The following KALRN variants were observed in gnomAD, a reference collection of about 807,000 sequenced individuals.
The protein encoded by KALRN is kalirin.
Under a neutral mutation model 353.7 loss-of-function variants are expected in KALRN, and 70 were observed. That is an observed-to-expected ratio of 0.20 (90% CI 0.16 to 0.24). KALRN has a LOEUF of 0.24. KALRN is among the 10% of genes least tolerant of loss of function. The pLI, the probability that KALRN is intolerant of heterozygous loss-of-function variation, is 1.00. For synonymous variants in KALRN, 1,391 were observed against 1,434.8 expected, an observed-to-expected ratio of 0.97 and a Z score of 0.69; for missense variants, 2,791 against 3,756.7, an observed-to-expected ratio of 0.74 and a Z score of 6.72.
chr3:124,438,977 G>T lies in KALRN; in HGVS notation c.3138G>T (p.Glu1046Asp), dbSNP rs1482962032. ...GAGATAAGCTGGGGCCAGCAGCAGAGATCGACCATGTCATTCCCCTCATCA... is the reference window on the plus strand; with the variant it reads ...GAGATAAGCTGGGGCCAGCAGCAGATATCGACCATGTCATTCCCCTCATCA... ...GGRDKLGPAA[E>D]IDHVIPLISK... Residue 1046 changes from glutamate (E) to aspartate (D), a missense_variant, in exon 18 of 60, where the codon GAG becomes GAT. By Grantham distance (45) the Glu-to-Asp change is conservative. Coordinates refer to ENST00000682506, the MANE Select transcript of KALRN (RefSeq NM_001388419.1). 2.5e-6 allele frequency: 4 copies of T among 1,614,140 alleles called. No homozygotes were observed. The highest frequency in any genetic ancestry group is 3.4e-6 in the Non-Finnish European group (4 of 1,180,024).
intron 38 of KALRN, among the ~76,000 whole-genome samples, chr3:124,651,245 G>A (rs1324711194): frequency 6.6e-6 from 1 of 152,210 alleles, no homozygotes; most frequent in Admixed American, 6.5e-5. Context: ...GAAACTATGA[G>A]ACTGTTACTG....
At chr3:124,106,697 G>T (rs1231429338) in intron 1 of KALRN, among the ~76,000 whole-genome samples, 1 of 152,154 alleles carries the variant, frequency 6.6e-6, no homozygotes, top group Non-Finnish European at 1.5e-5. Context: ...GGAAACTGAG[G>T]CTCAAAGAAA....
chr3:124,160,729 G>A (rs2069796507), intron 1 of KALRN, among the ~76,000 whole-genome samples: 1 of 152,074 alleles, frequency 6.6e-6, no homozygotes, highest in African/African-American at 2.4e-5. Flanking sequence ...AGGTGGTGAG[G>A]GATAATGGGA....
At chr3:124,570,219 A>T (rs2073357597) in intron 34 of KALRN, among the ~76,000 whole-genome samples, 1 of 152,250 alleles carries the variant, frequency 6.6e-6, no homozygotes, top group African/African-American at 2.4e-5. Context: ...AGGCTAAAAA[A>T]ATAATTAGAG....
intron 15 of KALRN, among the ~76,000 whole-genome samples, chr3:124,430,207 G>A (rs778023835): frequency 3.3e-5 from 5 of 152,178 alleles, no homozygotes; most frequent in Admixed American, 1.3e-4. Context: ...TGCACTAGAT[G>A]AAGAAGAGAT....
chr3:124,434,629 C>G, intron 17 of KALRN, 104 bp downstream of exon 17: 1 of 927,282 alleles, frequency 1.1e-6, no homozygotes. Context: ...GAAGCCTGTC[C>G]TTTCAGTACT....
intron 1 of KALRN, among the ~76,000 whole-genome samples, chr3:124,185,432 G>A (rs895632964): frequency 1.3e-5 from 2 of 152,084 alleles, no homozygotes; most frequent in African/African-American, 4.8e-5. Context: ...GTTAGAAAAG[G>A]GACCACCTTG....
At chr3:124,141,824 A>G (rs1335243147) in intron 1 of KALRN, among the ~76,000 whole-genome samples, 1 of 152,128 alleles carries the variant, frequency 6.6e-6, no homozygotes, top group Non-Finnish European at 1.5e-5. Flanking sequence ...TGCCTCAACC[A>G]GTGTTCCTTG....
At chr3:124,045,546 G>A (rs1420327760) in intron 1 of KALRN, among the ~76,000 whole-genome samples, 1 of 152,198 alleles carries the variant, frequency 6.6e-6, no homozygotes, top group Non-Finnish European at 1.5e-5. Context: ...TGACAGCTAA[G>A]TATCATTCCT....
rs982671874 is a variant in KALRN at position 124,634,100 on chromosome 3, T to TGGTA, written c.5568+151_5568+154dup. Reference sequence around the variant, plus strand: ...TGTTGATACCAATTGTGTCTCTATTTGGTAGGTGTCCCTTCCCCAACCCTG... The same window carrying TGGTA: ...TGTTGATACCAATTGTGTCTCTATTTGGTAGGTAGGTGTCCCTTCCCCAACCCTG... On this transcript the variant is annotated intron_variant, in intron 36 of 59. Coordinates refer to ENST00000682506, the MANE Select transcript of KALRN (RefSeq NM_001388419.1). The TGGTA allele has an allele frequency of 1.5e-5, 10 of 652,716 alleles. No individual in the cohort carries two copies. The African/African-American group carries it at 1.8e-4, about 12-fold the overall frequency. The allele number at this position is 652,716 out of a possible 1,614,324, so 40.4% of individuals were successfully genotyped here.
At chr3:124,473,456 G>A (rs1252363428) in intron 25 of KALRN, among the ~76,000 whole-genome samples, 1 of 152,170 alleles carries the variant, frequency 6.6e-6, no homozygotes. Context: ...CTGTGGTAAT[G>A]TCTTTTCTTA....
intron 18 of KALRN, among the ~76,000 whole-genome samples, chr3:124,440,227 C>T (rs1379777502): frequency 6.6e-6 from 1 of 151,886 alleles, no homozygotes; most frequent in Non-Finnish European, 1.5e-5. Flanking sequence ...TAAAATGGAA[C>T]AATTTAAGTA....
chr3:124,423,015 C>T (rs762237418), intron 15 of KALRN, 37 bp downstream of exon 15: 8 of 1,604,886 alleles, frequency 5.0e-6, no homozygotes, highest in Admixed American at 1.7e-5. Context: ...CTGGGTTTCT[C>T]AGCCAGCTGA....
chr3:124,656,413 G>A (rs371383381), intron 39 of KALRN, among the ~76,000 whole-genome samples: 38 of 152,004 alleles, frequency 2.5e-4, no homozygotes, highest in South Asian at 1.7e-3. Flanking sequence ...GATCGAGACC[G>A]TCCTGGCTAA....
At chr3:124,389,043 G>A (rs1312145528) in intron 11 of KALRN, among the ~76,000 whole-genome samples, 2 of 152,150 alleles carry the variant, frequency 1.3e-5, no homozygotes, top group African/African-American at 4.8e-5. Context: ...TGAATAGAAG[G>A]AAAATCTGCT....
intron 6 of KALRN, among the ~76,000 whole-genome samples, chr3:124,321,864 G>A (rs997098916): frequency 6.6e-6 from 1 of 152,212 alleles, no homozygotes; most frequent in Non-Finnish European, 1.5e-5. Flanking sequence ...GGTAGATTGT[G>A]TCTATACCTT....
intron 5 of KALRN, among the ~76,000 whole-genome samples, chr3:124,285,981 A>T (rs1414609485): frequency 1.3e-5 from 2 of 151,936 alleles, no homozygotes; most frequent in Non-Finnish European, 2.9e-5. Context: ...GCACTGTACT[A>T]GATCTTTTAG....
At position 124,658,207 on chromosome 3, in the gene KALRN, CTTCT is replaced by C. The variant is rs575745266; in HGVS notation, c.6037-219_6037-216del. Among the ~76,000 whole-genome samples the C allele has an allele frequency of 1.8e-3, 281 of 152,202 alleles. 1 individual carries two copies. The highest frequency in any genetic ancestry group is 0.014 in the Middle Eastern group (4 of 294). The stretch of plus-strand genomic sequence containing the variant: ...TCTCTTCTGCTCTTCCTTGAGTGAC[CTTCT>C]TTCTCAGCCCTCTCTAAGTTTTTTT... On this transcript the variant is annotated intron_variant, in intron 41 of 59. Coordinates refer to ENST00000682506, the MANE Select transcript of KALRN (RefSeq NM_001388419.1).
intron 1 of KALRN, among the ~76,000 whole-genome samples, chr3:124,095,304 C>T (rs1224888153): frequency 1.3e-5 from 2 of 152,206 alleles, no homozygotes; most frequent in Non-Finnish European, 2.9e-5. Context: ...GACTCAGGCT[C>T]AAGTCTCAGC....
Sources: gnomAD v4.1 joint callset for allele counts (sites outside exome capture counted in the v4.1 genomes callset) on GRCh38, gnomAD v4.1.1 for gene constraint, MANE v1.5 for transcripts, NCBI Gene and HGNC (gene_info 2026-07-23, HGNC 2026-07-21) for gene names.